The following STXBP5L variants were observed in gnomAD, a reference collection of about 807,000 sequenced individuals.
STXBP5L encodes the protein syntaxin-binding protein 5-like.
Under a neutral mutation model 144.5 loss-of-function variants are expected in STXBP5L, and 65 were observed. The ratio of observed to expected loss-of-function variants is 0.45; its 90% CI spans 0.37 to 0.55. STXBP5L has a LOEUF of 0.55. Ranked by LOEUF, STXBP5L falls within the 20% of genes least tolerant of loss-of-function variation. The probability of loss-of-function intolerance (pLI) is 0.00; values close to 1 mark genes in which losing one functional copy is unlikely to be tolerated. For synonymous variants in STXBP5L, 505 were observed against 469.6 expected, an observed-to-expected ratio of 1.08 and a Z score of -0.97; for missense variants, 1,298 against 1,405.5, an observed-to-expected ratio of 0.92 and a Z score of 1.22.
At position 120,908,302 on chromosome 3, in the gene STXBP5L, GGGCTGGCAGGC is replaced by G. The variant is rs1359184294; in HGVS notation, c.-36_-26del. On this transcript the variant is annotated 5_prime_UTR_variant, in exon 1 of 27. Transcript: ENST00000471454. ...CCTACCTCGGCCCCCTCAGCTTCCC[GGGCTGGCAGGC>G]GGCTAGAGGCGTCTGAGGAAGGTGC... is the stretch of plus-strand genomic sequence containing the variant. The G allele has an allele frequency of 6.6e-6, 1 of 152,376 alleles. No individual in the cohort carries two copies. The highest frequency in any genetic ancestry group is 1.5e-5 in the Non-Finnish European group (1 of 68,116). 9.4% of individuals were successfully genotyped at this position (152,376 alleles called of 1,614,324 possible).
At chr3:121,243,155 G>A (rs950036033) in intron 14 of STXBP5L, among the ~76,000 whole-genome samples, 2 of 152,046 alleles carry the variant, frequency 1.3e-5, no homozygotes, top group Admixed American at 6.6e-5. Flanking sequence ...ATGTTATAGC[G>A]GCTGCTCAAG....
At chr3:121,155,727 A>T (rs2046090373) in intron 8 of STXBP5L, among the ~76,000 whole-genome samples, 1 of 151,822 alleles carries the variant, frequency 6.6e-6, no homozygotes, top group Non-Finnish European at 1.5e-5. Flanking sequence ...TCAGTAATGC[A>T]CTATATGAGA....
chr3:120,983,273 C>A (rs1421763759), intron 3 of STXBP5L, among the ~76,000 whole-genome samples: 2 of 152,036 alleles, frequency 1.3e-5, no homozygotes, highest in African/African-American at 4.8e-5. Flanking sequence ...GGCAGGGTGG[C>A]AGCACTGTGG....
chr3:121,143,578 A>C (rs1246294653), intron 7 of STXBP5L, among the ~76,000 whole-genome samples: 1 of 151,878 alleles, frequency 6.6e-6, no homozygotes, highest in Non-Finnish European at 1.5e-5. Flanking sequence ...ACAATAATTA[A>C]TGTAGTATGA....
At chr3:121,090,017 T>A (rs9862838) in intron 5 of STXBP5L, among the ~76,000 whole-genome samples, 15,093 of 152,170 alleles carry the variant, frequency 0.099, 1,181 homozygotes, top group Admixed American at 0.2. Flanking sequence ...ATTACTTCTT[T>A]TAAATATTTG....
chr3:121,235,445 T>G (rs1375004198), intron 12 of STXBP5L, among the ~76,000 whole-genome samples: 2 of 152,124 alleles, frequency 1.3e-5, no homozygotes, highest in Non-Finnish European at 2.9e-5. Context: ...ATTATTTCTC[T>G]TTTTAATATC....
At chr3:120,937,146 C>T (rs1710306694) in intron 2 of STXBP5L, among the ~76,000 whole-genome samples, 1 of 152,150 alleles carries the variant, frequency 6.6e-6, no homozygotes, top group African/African-American at 2.4e-5. Flanking sequence ...TAAAACCTCA[C>T]TTGGATAAAG....
At chr3:121,390,121 A>G (rs544491725) in intron 22 of STXBP5L, among the ~76,000 whole-genome samples, 3 of 152,160 alleles carry the variant, frequency 2.0e-5, no homozygotes, top group African/African-American at 7.2e-5. Flanking sequence ...TGTTGAGTTG[A>G]TCCCTTTACC....
intron 5 of STXBP5L, 103 bp downstream of exon 5, chr3:121,045,638 C>T: frequency 1.0e-6 from 1 of 989,604 alleles, no homozygotes; most frequent in Non-Finnish European, 1.5e-6. Flanking sequence ...ATCTCAACAG[C>T]TAGAAATAAT....
chr3:121,169,174 G>C (rs1252865631), intron 9 of STXBP5L, among the ~76,000 whole-genome samples: 1 of 152,152 alleles, frequency 6.6e-6, no homozygotes. Context: ...TGCCTTACAA[G>C]TGCTCCTGAA....
At chr3:121,230,456 G>GGTTGTATTT (rs143499339) in intron 11 of STXBP5L, among the ~76,000 whole-genome samples, 2,807 of 123,580 alleles carry the variant, frequency 0.023, 86 homozygotes, top group African/African-American at 0.079. Context: ...ATACAAGTCT[G>GGTTGTATTT]GTTGTATTTG....
intron 21 of STXBP5L, among the ~76,000 whole-genome samples, chr3:121,380,951 G>A (rs1183498796): frequency 6.6e-6 from 1 of 152,060 alleles, no homozygotes; most frequent in African/African-American, 2.4e-5. Flanking sequence ...AGTGATGTCA[G>A]AAATTCTTGT....
chr3:121,304,096 C>A (rs567263487), intron 19 of STXBP5L, among the ~76,000 whole-genome samples: 2 of 151,452 alleles, frequency 1.3e-5, no homozygotes, highest in East Asian at 3.9e-4. Flanking sequence ...CCCAAAAAAG[C>A]TGATATGGCT....
intron 3 of STXBP5L, among the ~76,000 whole-genome samples, chr3:120,962,683 TG>T (rs1009779223): frequency 6.6e-6 from 1 of 152,198 alleles, no homozygotes. Flanking sequence ...ACTGTAGCCT[TG>T]TAGTATAGTT....
At chr3:121,131,781 T>C (rs1217195545) in intron 7 of STXBP5L, among the ~76,000 whole-genome samples, 1 of 152,214 alleles carries the variant, frequency 6.6e-6, no homozygotes, top group Admixed American at 6.5e-5. Context: ...AGTGGCAGAA[T>C]AGGAAGCCTG....
chr3:121,264,038 A>T (rs1284455447), intron 18 of STXBP5L, among the ~76,000 whole-genome samples: 1 of 152,186 alleles, frequency 6.6e-6, no homozygotes, highest in Non-Finnish European at 1.5e-5. Flanking sequence ...AATGAAGGAA[A>T]ACATGTTAAG....
chr3:121,099,419 G>C (rs2043301592), intron 5 of STXBP5L: 1 of 152,224 alleles, frequency 6.6e-6, no homozygotes, highest in Admixed American at 6.5e-5. Context: ...ACAGTTCAGA[G>C]TGGAGTTCTT....
At chr3:121,040,831 A>G (rs977971095) in intron 3 of STXBP5L, among the ~76,000 whole-genome samples, 15 of 152,066 alleles carry the variant, frequency 9.9e-5, no homozygotes, top group Admixed American at 3.3e-4. Context: ...GTCATTTCCT[A>G]CCTGATATGC....
intron 19 of STXBP5L, among the ~76,000 whole-genome samples, chr3:121,300,744 G>C (rs2051862139): frequency 6.6e-6 from 1 of 151,864 alleles, no homozygotes; most frequent in African/African-American, 2.4e-5. Context: ...AAAAAGAACT[G>C]AGGGGACAAA....
Sources: gnomAD v4.1 joint callset for allele counts (sites outside exome capture counted in the v4.1 genomes callset) on GRCh38, gnomAD v4.1.1 for gene constraint, MANE v1.5 for transcripts, NCBI Gene and HGNC (gene_info 2026-07-23, HGNC 2026-07-21) for gene names.